CSMD3: variants seen among roughly 807,000 people sequenced by gnomAD.
The protein encoded by CSMD3 is CUB and Sushi multiple domains 3, also known as CUB and sushi domain-containing protein 3.
In CSMD3, 177 loss-of-function variants were observed where a neutral mutation model predicts 435.2. The observed-to-expected ratio is 0.41, with a 90% CI of 0.36 to 0.46. CSMD3 has a LOEUF of 0.46. CSMD3 is among the 20% of genes least tolerant of loss of function. The pLI is 0.34. For synonymous variants in CSMD3, 1,656 were observed against 1,520.5 expected (o/e 1.09, Z -2.07); for missense variants, 4,265 against 4,504.6 (o/e 0.95, Z 1.52).
chr8:113,008,037 C>G (rs2086121456), intron 6 of CSMD3, among the ~76,000 whole-genome samples: 1 of 151,290 alleles, frequency 6.6e-6, no homozygotes, highest in Non-Finnish European at 1.5e-5. Flanking sequence ...GGGGAAAAGA[C>G]CTGTGCTACT....
intron 18 of CSMD3, among the ~76,000 whole-genome samples, chr8:112,655,023 T>C (rs1198849010): frequency 2.0e-5 from 3 of 152,192 alleles, no homozygotes; most frequent in South Asian, 2.1e-4. Flanking sequence ...CATTTTACCA[T>C]GATTTTTACA....
intron 1 of CSMD3, among the ~76,000 whole-genome samples, chr8:113,315,370 A>G (rs1457205911): frequency 2.6e-5 from 4 of 152,044 alleles, no homozygotes; most frequent in African/African-American, 9.7e-5. Context: ...TTAGTCCATG[A>G]TGAACAGAAT....
In CSMD3 at chr8:112,692,295, T is replaced by C. The variant is rs141773552; in HGVS notation, c.1973-2245A>G. Among the ~76,000 whole-genome samples, 447 of 152,198 alleles carry C rather than the reference T, an allele frequency of 2.9e-3. 4 individuals carry two copies. In the East Asian group the frequency reaches 0.033, roughly 11 times the overall value. ...AAATAAATTTAGCTCTAAATTGATA[T>C]GGAGAGATTTTATTGTTCACTTGTG... On this transcript the variant is annotated intron_variant, in intron 13 of 70. Coordinates refer to ENST00000297405, the MANE Select transcript of CSMD3 (RefSeq NM_198123.2).
At chr8:113,382,062 T>C (rs1441320212) in intron 1 of CSMD3, among the ~76,000 whole-genome samples, 1 of 152,172 alleles carries the variant, frequency 6.6e-6, no homozygotes. Context: ...CATTTACTCT[T>C]ATAGATATTA....
intron 3 of CSMD3, among the ~76,000 whole-genome samples, chr8:113,199,632 T>C (rs1483159954): frequency 6.6e-6 from 1 of 151,764 alleles, no homozygotes; most frequent in African/African-American, 2.4e-5. Context: ...CCCATTTTCA[T>C]GGAGGATGGG....
intron 27 of CSMD3, among the ~76,000 whole-genome samples, chr8:112,533,854 T>C (rs1047839682): frequency 3.9e-5 from 6 of 152,042 alleles, no homozygotes; most frequent in Admixed American, 1.3e-4. Context: ...TTCTCTGAGA[T>C]AGAGCATAGG....
At chr8:112,675,153 G>A (rs2075743799) in intron 16 of CSMD3, among the ~76,000 whole-genome samples, 1 of 152,062 alleles carries the variant, frequency 6.6e-6, no homozygotes, top group Middle Eastern at 3.2e-3. Context: ...AAAGCAGCAG[G>A]AAAATTTAGT....
intron 19 of CSMD3, among the ~76,000 whole-genome samples, 192 bp downstream of exon 19, chr8:112,649,969 G>A (rs1002483405): frequency 5.9e-5 from 9 of 152,064 alleles, no homozygotes; most frequent in African/African-American, 2.2e-4. Flanking sequence ...GTATCTTTAG[G>A]CATGGAGTAA....
At chr8:112,225,061 C>G (rs1445484344) in intron 70 of CSMD3, 131 bp from the exon 71 acceptor site, 1 of 875,146 alleles carries the variant, frequency 1.1e-6, no homozygotes, top group Non-Finnish European at 1.9e-6. Flanking sequence ...CATAAACACA[C>G]TAAGTCAACT....
chr8:113,346,052 T>C (rs2094149045), intron 1 of CSMD3, among the ~76,000 whole-genome samples: 1 of 152,066 alleles, frequency 6.6e-6, no homozygotes, highest in Non-Finnish European at 1.5e-5. Context: ...GATCCACCCA[T>C]GTTTCAGCCC....
intron 42 of CSMD3, among the ~76,000 whole-genome samples, chr8:112,338,244 A>T (rs576465188): frequency 2.0e-5 from 3 of 150,414 alleles, no homozygotes; most frequent in African/African-American, 7.3e-5. Context: ...CTGGAAAAAA[A>T]TTTTATTTTA....
At position 112,359,404 on chromosome 8, in the gene CSMD3, T is replaced by C. The variant is rs543451146; in HGVS notation, c.6137-6870A>G. 2.6e-5 allele frequency among the ~76,000 whole-genome samples: 4 copies of C among 152,276 alleles called. No individual in the cohort carries two copies. In the East Asian group the frequency reaches 7.7e-4, roughly 29 times the overall value. On this transcript the variant is annotated intron_variant, in intron 38 of 70. Coordinates refer to ENST00000297405, the MANE Select transcript of CSMD3 (RefSeq NM_198123.2). ...TGCAATTAATTGTTCAATATTTATC[T>C]CCCATCTGAGAATGAAAGCTCCAGA...
At chr8:112,411,657 A>G (rs1811364598) in intron 32 of CSMD3, among the ~76,000 whole-genome samples, 1 of 152,056 alleles carries the variant, frequency 6.6e-6, no homozygotes, top group African/African-American at 2.4e-5. Context: ...TTAAACTGAT[A>G]TATTATAATA....
At chr8:112,573,010 G>C (rs188905585) in intron 24 of CSMD3, among the ~76,000 whole-genome samples, 1 of 152,138 alleles carries the variant, frequency 6.6e-6, no homozygotes, top group Admixed American at 6.6e-5. Flanking sequence ...AGAACTGTGA[G>C]AAAGTATTTG....
intron 3 of CSMD3, among the ~76,000 whole-genome samples, chr8:113,201,212 T>C (rs1397651390): frequency 1.3e-5 from 2 of 151,996 alleles, no homozygotes; most frequent in East Asian, 3.9e-4. Flanking sequence ...AGCTGGGTTT[T>C]GCAGATATTT....
At chr8:112,821,564 T>A (rs1194632284) in intron 12 of CSMD3, among the ~76,000 whole-genome samples, 1 of 152,060 alleles carries the variant, frequency 6.6e-6, no homozygotes, top group Non-Finnish European at 1.5e-5. Context: ...TTTGTCGGAT[T>A]GAAAGATTGT....
chr8:112,383,325 A>G (rs887295485), intron 37 of CSMD3, among the ~76,000 whole-genome samples: 2 of 152,184 alleles, frequency 1.3e-5, no homozygotes, highest in African/African-American at 4.8e-5. Context: ...TATTACCAGT[A>G]ACATAAAACC....
intron 35 of CSMD3, among the ~76,000 whole-genome samples, chr8:112,400,719 A>G (rs944342992): frequency 2.0e-5 from 3 of 152,198 alleles, no homozygotes; most frequent in African/African-American, 7.2e-5. Context: ...TCCTGGTGTT[A>G]GCTACTGTAC....
intron 35 of CSMD3, among the ~76,000 whole-genome samples, chr8:112,399,531 A>T (rs1449967713): frequency 6.6e-6 from 1 of 152,148 alleles, no homozygotes; most frequent in Non-Finnish European, 1.5e-5. Flanking sequence ...CTGGGATTAC[A>T]GTTGTGAGCC....
Sources: gnomAD v4.1 joint callset for allele counts (sites outside exome capture counted in the v4.1 genomes callset) on GRCh38, gnomAD v4.1.1 for gene constraint, MANE v1.5 for transcripts, NCBI Gene and HGNC (gene_info 2026-07-23, HGNC 2026-07-21) for gene names.